Variants in ZNF254 observed in about 807,000 individuals in gnomAD.
ZNF254 encodes the protein zinc finger protein 254, also known as CTD-2017D11.1.
ZNF254 carries 10 observed loss-of-function variants against 12.4 expected under a neutral mutation model. That is an observed-to-expected ratio of 0.80 (90% confidence interval 0.50 to 1.36). ZNF254 has a LOEUF of 1.36. Ranked by LOEUF, ZNF254 falls within the 40% of genes most tolerant of loss-of-function variation. ZNF254 has a pLI of 0.00. For synonymous variants in ZNF254, 305 were observed against 253.4 expected (o/e 1.20, Z -1.93); for missense variants, 996 against 763.9 (o/e 1.30, Z -3.58).
chr19:24,101,508 G>A (rs146152556), intron 1 of ZNF254, among the ~76,000 whole-genome samples: 1 of 152,318 alleles, frequency 6.6e-6, no homozygotes, highest in Non-Finnish European at 1.5e-5. Context: ...AATCTCTTAA[G>A]TGTAAAGAAG....
intron 1 of ZNF254, among the ~76,000 whole-genome samples, chr19:24,097,302 A>G (rs1423312310): frequency 1.3e-5 from 2 of 152,240 alleles, no homozygotes; most frequent in Non-Finnish European, 2.9e-5. Context: ...AAAATTTAGC[A>G]GTACAGAATT....
intron 1 of ZNF254, among the ~76,000 whole-genome samples, chr19:24,042,301 A>G (rs1461648354): frequency 2.0e-5 from 3 of 152,178 alleles, no homozygotes; most frequent in Non-Finnish European, 4.4e-5. Context: ...GCCCTGACAA[A>G]ACAGGCCACT....
chr19:24,071,875 C>G (rs1971493670), intron 2 of ZNF254, among the ~76,000 whole-genome samples: 1 of 152,128 alleles, frequency 6.6e-6, no homozygotes, highest in South Asian at 2.1e-4. Context: ...ATTAGCAGGG[C>G]TCATGCAGGA....
chr19:24,086,129 C>A (rs1599671129), upstream of ZNF254, among the ~76,000 whole-genome samples: 1 of 151,904 alleles, frequency 6.6e-6, no homozygotes, highest in African/African-American at 2.4e-5. Flanking sequence ...ATCGCTTGAA[C>A]CCAGGAGGCA....
At chr19:24,090,823 G>A (rs1230358251) in intron 1 of ZNF254, among the ~76,000 whole-genome samples, 1 of 151,946 alleles carries the variant, frequency 6.6e-6, no homozygotes, top group Non-Finnish European at 1.5e-5. Context: ...AAAGAGGTGA[G>A]TTTCAAAAAC....
intron 1 of ZNF254, among the ~76,000 whole-genome samples, chr19:24,094,461 A>G (rs1371210804): frequency 6.7e-6 from 1 of 150,116 alleles, no homozygotes; most frequent in South Asian, 2.1e-4. Context: ...GGGTTTCACC[A>G]TGTTGGCCAG....
upstream of ZNF254, among the ~76,000 whole-genome samples, chr19:24,085,376 TA>T (rs1971987379): frequency 1.8e-5 from 2 of 108,226 alleles, no homozygotes; most frequent in South Asian, 6.4e-4. Context: ...AATTACTTCC[TA>T]GGGGTTTCAC....
At chr19:24,051,458 C>G (rs1970643233) in intron 2 of ZNF254, among the ~76,000 whole-genome samples, 1 of 152,320 alleles carries the variant, frequency 6.6e-6, no homozygotes, top group East Asian at 1.9e-4. Flanking sequence ...CCACACCTGG[C>G]CAATGTAACT....
chr19:24,041,594 C>A (rs1344809606), intron 1 of ZNF254, among the ~76,000 whole-genome samples: 1 of 152,254 alleles, frequency 6.6e-6, no homozygotes, highest in African/African-American at 2.4e-5. Flanking sequence ...CCTGAGCCTC[C>A]CACCCACTCC....
upstream of ZNF254, among the ~76,000 whole-genome samples, chr19:24,086,823 A>T (rs1972058258): frequency 6.6e-6 from 1 of 152,224 alleles, no homozygotes; most frequent in African/African-American, 2.4e-5. Flanking sequence ...TAGTGCTGAT[A>T]ATACATTATT....
chr19:24,048,485 C>T (rs548504096), intron 2 of ZNF254, among the ~76,000 whole-genome samples: 2 of 152,302 alleles, frequency 1.3e-5, no homozygotes, highest in Middle Eastern at 3.4e-3. Context: ...TGGTTCTCGC[C>T]AGTGCAGTAC....
intron 3 of ZNF254, among the ~76,000 whole-genome samples, chr19:24,124,070 ATCTT>A (rs1240757879): frequency 7.3e-5 from 11 of 151,336 alleles, no homozygotes; most frequent in South Asian, 6.3e-4. Flanking sequence ...TTCTCTTTCC[ATCTT>A]TCTTTGTGTC....
intron 1 of ZNF254, among the ~76,000 whole-genome samples, chr19:24,094,683 GT>G (rs964458527): frequency 7.4e-5 from 11 of 148,268 alleles, no homozygotes; most frequent in African/African-American, 2.0e-4. Context: ...AATGCTTCGG[GT>G]TTTTTTTTTC....
intron 2 of ZNF254, among the ~76,000 whole-genome samples, chr19:24,061,749 T>C (rs1330243703): frequency 6.6e-6 from 1 of 152,128 alleles, no homozygotes; most frequent in Non-Finnish European, 1.5e-5. Context: ...TACCAGCCAA[T>C]AGAAGAGACA....
chr19:24,111,523 G>A (rs1295275151), intron 3 of ZNF254, among the ~76,000 whole-genome samples: 2 of 152,124 alleles, frequency 1.3e-5, no homozygotes, highest in Non-Finnish European at 1.5e-5. Flanking sequence ...CTGAGGAATC[G>A]CCACACTGAC....
chr19:24,034,490 T>G (rs866932298), intron 1 of ZNF254, among the ~76,000 whole-genome samples: 13,502 of 74,916 alleles, frequency 0.18, 324 homozygotes, highest in South Asian at 0.25. Context: ...GTAAGTGGGT[T>G]TTTTTTTTTT....
In ZNF254 at chr19:24,039,156, G is replaced by T. The variant is rs1483142820; in HGVS notation, c.-190+5535G>T. ...TAACACAATATGGAGCCAAGTTAAT[G>T]GTACCTAGAATCCACACATAAGGGC... On this transcript the variant is annotated intron_variant, in intron 1 of 4. Transcript: ENST00000613065. Among the ~76,000 whole-genome samples, 3 of 151,186 alleles carry T rather than the reference G, an allele frequency of 2.0e-5. No individual in the cohort carries two copies. In the East Asian group the frequency reaches 5.8e-4, roughly 29 times the overall value.
Position 24,087,212 on chromosome 19 carries a change from G to C in ZNF254, c.-96G>C. 1 of 1,552,604 alleles carries C rather than the reference G, an allele frequency of 6.4e-7. No homozygotes were observed. Among genetic ancestry groups the C allele is most frequent in the Non-Finnish European group, 8.9e-7 (1 of 1,127,442 alleles). On this transcript the variant is annotated 5_prime_UTR_variant, in exon 1 of 4. Transcript: ENST00000357002. ...GCCTTTGTCTCTCGCTGTCGCCGGAGTCCCAGGTCTGTCTTCACTGCTCTG... is the reference window on the plus strand; with the variant it reads ...GCCTTTGTCTCTCGCTGTCGCCGGACTCCCAGGTCTGTCTTCACTGCTCTG...
chr19:24,123,621 AAC>A (rs1477203983), intron 3 of ZNF254, among the ~76,000 whole-genome samples: 3 of 152,038 alleles, frequency 2.0e-5, no homozygotes, highest in Admixed American at 6.6e-5. Flanking sequence ...TGCGTGCACA[AAC>A]ACATACACAC....
Sources: allele counts gnomAD v4.1 joint callset (sites outside exome capture counted in the v4.1 genomes callset), GRCh38; gene constraint gnomAD v4.1.1; transcripts MANE v1.5; gene names NCBI Gene and HGNC (gene_info 2026-07-23, HGNC 2026-07-21).